The following TECTB variants were observed in gnomAD, a reference collection of about 807,000 sequenced individuals.
TECTB encodes the protein tectorin beta.
Under a neutral mutation model 43.3 loss-of-function variants are expected in TECTB, and 45 were observed. The observed-to-expected ratio is 1.04, with a 90% CI of 0.82 to 1.33. The LOEUF is 1.33. TECTB is among the 40% of genes most tolerant of loss of function. The probability of loss-of-function intolerance (pLI) is 0.00; values close to 1 mark genes in which losing one functional copy is unlikely to be tolerated. For missense variants in TECTB, 399 were observed against 404.7 expected, an observed-to-expected ratio of 0.99 and a Z score of 0.12; for synonymous variants, 169 against 156.7, an observed-to-expected ratio of 1.08 and a Z score of -0.59.
At chr10:112,297,336 T>A (rs531886656) in intron 7 of TECTB, among the ~76,000 whole-genome samples, 181 of 152,276 alleles carry the variant, frequency 1.2e-3, no homozygotes, top group South Asian at 1.9e-3. Context: ...TAAATGCCCA[T>A]CTGTGTCATT....
At chr10:112,296,011 T>A (rs1265703666) in intron 7 of TECTB, among the ~76,000 whole-genome samples, 1 of 152,218 alleles carries the variant, frequency 6.6e-6, no homozygotes, top group Non-Finnish European at 1.5e-5. Flanking sequence ...CAGCCAGATG[T>A]AAGACATCCC....
At chr10:112,289,958 C>T (rs1848484570) in intron 5 of TECTB, among the ~76,000 whole-genome samples, 1 of 152,162 alleles carries the variant, frequency 6.6e-6, no homozygotes, top group South Asian at 2.1e-4. Context: ...GTGACACTGG[C>T]TAGTTGTGAC....
At chr10:112,299,193 A>G (rs899751012) in intron 8 of TECTB, among the ~76,000 whole-genome samples, 1 of 152,234 alleles carries the variant, frequency 6.6e-6, no homozygotes, top group African/African-American at 2.4e-5. Context: ...TAGAAGCCTT[A>G]TCAAAGGAAA....
chr10:112,297,130 A>G (rs987219834), intron 7 of TECTB, among the ~76,000 whole-genome samples: 7 of 152,150 alleles, frequency 4.6e-5, no homozygotes, highest in Non-Finnish European at 1.5e-5. Context: ...GGGTTTCTCA[A>G]TGTTGGCACC....
chr10:112,284,475 G>A (rs938763760), intron 2 of TECTB, 60 bp from the exon 3 acceptor site: 180 of 1,445,178 alleles, frequency 1.2e-4, no homozygotes, highest in East Asian at 8.0e-4. Context: ...TCCACTGTTC[G>A]TTACGTAGGT....
intron 8 of TECTB, 43 bp downstream of exon 8, chr10:112,298,274 G>T (rs1279796449): frequency 1.9e-6 from 3 of 1,582,330 alleles, no homozygotes; most frequent in Non-Finnish European, 2.6e-6. Flanking sequence ...CCTAAAGGGT[G>T]CCAGTATTGG....
At position 112,293,850 on chromosome 10, in the gene TECTB, A is replaced by T; in HGVS notation, c.587+9A>T. On this transcript the variant is annotated intron_variant, in intron 6 of 10. Transcript: ENST00000646139. ...AAAGGGTTAAGCATTAGGTAAGTAC[A>T]TTTCCTCCAAGTTTATATGTTTAAA... 6.2e-7 allele frequency: 1 copy of T among 1,613,250 alleles called. No individual in the cohort carries two copies. The highest frequency in any genetic ancestry group is 8.5e-7 in the Non-Finnish European group (1 of 1,179,212).
chr10:112,298,530 G>A (rs571292966), intron 8 of TECTB, among the ~76,000 whole-genome samples: 1 of 152,208 alleles, frequency 6.6e-6, no homozygotes, highest in Non-Finnish European at 1.5e-5. Context: ...TCAGAGGGCA[G>A]TGTAGGTAAA....
chr10:112,294,090 A>C (rs1848524864), intron 7 of TECTB, 29 bp downstream of exon 7: 1 of 1,596,732 alleles, frequency 6.3e-7, no homozygotes, highest in African/African-American at 1.3e-5. Flanking sequence ...GACAGGGCTG[A>C]ACAGTGGAAC....
rs757737700 is a variant in TECTB at position 112,293,819 on chromosome 10, G to A, written c.565G>A (p.Glu189Lys). Reference protein sequence around the residue: ...EIGSDLFAGVEAKGLSIRFKV... With the variant: ...EIGSDLFAGVKAKGLSIRFKV... The stretch of plus-strand genomic sequence containing the variant: ...CGGTTCAGATCTGTTTGCAGGAGTG[G>A]AAGCCAAAGGGTTAAGCATTAGGTA... Residue 189 changes from glutamate to lysine, a missense_variant, in exon 6 of 11, where the codon GAA (glutamate) becomes AAA (lysine). Glu to Lys is a moderately conservative substitution (Grantham distance 56). Coordinates refer to ENST00000646139, the MANE Select transcript of TECTB (RefSeq NM_058222.3). 6.2e-7 allele frequency: 1 copy of A among 1,614,134 alleles called. No homozygotes were observed. The highest frequency in any genetic ancestry group is 2.2e-5 in the East Asian group (1 of 44,878).
At chr10:112,299,620 GTC>G in intron 9 of TECTB, 56 bp downstream of exon 9, 1 of 1,588,568 alleles carries the variant, frequency 6.3e-7, no homozygotes, top group Non-Finnish European at 8.6e-7. Flanking sequence ...GCTGGGCTGC[GTC>G]CACAGGCACA....
intron 5 of TECTB, among the ~76,000 whole-genome samples, chr10:112,290,450 C>T (rs1002048883): frequency 6.6e-6 from 1 of 152,194 alleles, no homozygotes; most frequent in African/African-American, 2.4e-5. Flanking sequence ...AGAACTCAAT[C>T]ATTAGTGTTC....
At position 112,284,542 on chromosome 10, in the gene TECTB, T is replaced by C. The variant is rs150563756; in HGVS notation, c.84T>C (p.Ile28=). The change falls in exon 3 of 11, where the codon ATT becomes ATC. Residue 28 remains isoleucine, a synonymous_variant. Coordinates refer to ENST00000646139, the MANE Select transcript of TECTB (RefSeq NM_058222.3). ...TATGTGTGCTCTTTCCAGATGTCATTCTTGTGTTTTGCTATCCCAAAACCA... is the reference window on the plus strand; with the variant it reads ...TATGTGTGCTCTTTCCAGATGTCATCCTTGTGTTTTGCTATCCCAAAACCA... ...KSCAPNKADV[I]LVFCYPKTII... 6.2e-7 allele frequency: 1 copy of C among 1,607,024 alleles called. No individual in the cohort carries two copies. Among genetic ancestry groups the C allele is most frequent in the African/African-American group, 1.3e-5 (1 of 74,776 alleles).
intron 9 of TECTB, among the ~76,000 whole-genome samples, chr10:112,300,283 G>A (rs868617942): frequency 0.015 from 674 of 45,102 alleles, 5 homozygotes; most frequent in Admixed American, 0.04. Context: ...AGAAAGAAAA[G>A]AAAGAAAGAA....
At chr10:112,297,551 C>T (rs1312083725) in intron 7 of TECTB, among the ~76,000 whole-genome samples, 1 of 152,118 alleles carries the variant, frequency 6.6e-6, no homozygotes, top group Non-Finnish European at 1.5e-5. Flanking sequence ...AATGTGACCA[C>T]ATTTTTACAA....
chr10:112,290,296 G>T (rs966278344), intron 5 of TECTB, among the ~76,000 whole-genome samples: 1 of 152,174 alleles, frequency 6.6e-6, no homozygotes, highest in Non-Finnish European at 1.5e-5. Flanking sequence ...GCAGTTTCAG[G>T]CATCCACTGG....
rs1448768159 is a variant in TECTB, at chr10:112,294,049, T to C, written c.659T>C (p.Leu220Pro). 5 of 1,614,018 alleles carry C rather than the reference T, an allele frequency of 3.1e-6. No individual in the cohort carries two copies. Among genetic ancestry groups the C allele is most frequent in the South Asian group, 1.1e-5 (1 of 91,088 alleles). Residue 220 changes from leucine (L) to proline (P), a missense_variant, in exon 7 of 11, where the codon CTG becomes CCG. Coordinates refer to ENST00000646139, the MANE Select transcript of TECTB (RefSeq NM_058222.3). ...ADFMYPLQWQLINKGCPTDET... is the reference protein window; with the variant it reads ...ADFMYPLQWQPINKGCPTDET... The stretch of plus-strand genomic sequence containing the variant: ...TTCATGTATCCCTTGCAGTGGCAGC[T>C]GATCAACAAGGGGTAGGTACACTAT...
At chr10:112,286,645 C>T (rs562033587) in intron 5 of TECTB, among the ~76,000 whole-genome samples, 20 of 152,260 alleles carry the variant, frequency 1.3e-4, no homozygotes, top group Admixed American at 3.3e-4. Flanking sequence ...TCTGGCCAGG[C>T]GTGGTAGTTC....
intron 8 of TECTB, among the ~76,000 whole-genome samples, chr10:112,299,115 A>G (rs1848573843): frequency 6.6e-6 from 1 of 152,194 alleles, no homozygotes; most frequent in African/African-American, 2.4e-5. Context: ...AAAAAGAAAG[A>G]AAAGAAAATG....
Sources: allele counts gnomAD v4.1 joint callset (sites outside exome capture counted in the v4.1 genomes callset), GRCh38; gene constraint gnomAD v4.1.1; transcripts MANE v1.5; gene names NCBI Gene and HGNC (gene_info 2026-07-23, HGNC 2026-07-21).